The following BTD variants were observed in gnomAD, a reference collection of about 807,000 sequenced individuals.
BTD encodes biotinidase, also known as biocytinase.
A neutral mutation model predicts 17.7 loss-of-function variants in BTD; 13 were observed. That is an observed-to-expected ratio of 0.74 (90% CI 0.48 to 1.17). The LOEUF (loss-of-function observed/expected upper bound fraction) is 1.17, where lower values mean the gene tolerates loss of function less well. Ranked by LOEUF, BTD falls within the 50% of genes most tolerant of loss-of-function variation. The pLI is 0.00. For missense variants in BTD, 674 were observed against 650.4 expected, an observed-to-expected ratio of 1.04 and a Z score of -0.39; for synonymous variants, 240 against 245.2, an observed-to-expected ratio of 0.98 and a Z score of 0.20.
At chr3:15,713,813 T>C (rs1166053100), downstream of BTD, among the ~76,000 whole-genome samples, 1 of 152,254 alleles carries the variant, frequency 6.6e-6, no homozygotes, top group Non-Finnish European at 1.5e-5. Flanking sequence ...TTATAGCTTT[T>C]ATACTTAAAG....
intron 3 of BTD, chr3:15,676,882 C>T (rs1046500658): frequency 3.9e-6 from 4 of 1,016,296 alleles, no homozygotes; most frequent in Admixed American, 4.4e-5. Context: ...ACTAATGAAA[C>T]CTATTCCAAT....
In BTD at chr3:15,602,168, A is replaced by G. The variant is rs1328108595; in HGVS notation, c.-17+274A>G. 8 of 1,407,610 alleles carry G rather than the reference A, an allele frequency of 5.7e-6. No homozygotes were observed. In the Admixed American group the frequency reaches 1.5e-4, roughly 26 times the overall value. 87.2% of individuals were successfully genotyped at this position (1,407,610 alleles called of 1,614,324 possible). Reference sequence around the variant, plus strand: ...AATTATTGTAGCGCACGTTACTTAAATCCAGAAGCAGATGTGTACCCCAGC... The same window carrying G: ...AATTATTGTAGCGCACGTTACTTAAGTCCAGAAGCAGATGTGTACCCCAGC... On this transcript the variant is annotated intron_variant, in intron 1 of 3. Transcript: ENST00000643237.
At chr3:15,687,259 A>G (rs1321406383) in intron 3 of BTD, among the ~76,000 whole-genome samples, 1 of 152,070 alleles carries the variant, frequency 6.6e-6, no homozygotes, top group East Asian at 1.9e-4. Context: ...TCGACATTGT[A>G]TATGAGACAC....
At chr3:15,621,518 T>C (rs2064950431) in intron 1 of BTD, among the ~76,000 whole-genome samples, 1 of 152,366 alleles carries the variant, frequency 6.6e-6, no homozygotes, top group South Asian at 2.1e-4. Flanking sequence ...ATTTCTCTAA[T>C]ACATATAGGC....
At chr3:15,675,276 C>G (rs1394045191) in intron 3 of BTD, among the ~76,000 whole-genome samples, 2 of 151,796 alleles carry the variant, frequency 1.3e-5, no homozygotes, top group Non-Finnish European at 2.9e-5. Context: ...GTCTCAAAAA[C>G]AAACAACAAC....
chr3:15,713,820 A>C (rs1046643311), downstream of BTD, among the ~76,000 whole-genome samples: 2 of 152,242 alleles, frequency 1.3e-5, no homozygotes, highest in Non-Finnish European at 2.9e-5. Context: ...TTTTATACTT[A>C]AAGCAATTGT....
chr3:15,721,254 G>A, intron 4 of BTD: 1 of 754,722 alleles, frequency 1.3e-6, no homozygotes, highest in Middle Eastern at 4.0e-4. Flanking sequence ...GATAAGTACA[G>A]AGATAAGGCT....
chr3:15,608,638 C>T (rs566188641), intron 1 of BTD, among the ~76,000 whole-genome samples: 10 of 152,100 alleles, frequency 6.6e-5, no homozygotes, highest in African/African-American at 2.2e-4. Context: ...TGGTGATGTG[C>T]GCCTGTAATC....
chr3:15,661,265 C>CAAA (rs56165902), intron 3 of BTD, among the ~76,000 whole-genome samples: 7 of 93,758 alleles, frequency 7.5e-5, no homozygotes, highest in African/African-American at 1.5e-4. Flanking sequence ...GACTCTGTCT[C>CAAA]AAAAAAAAAA....
chr3:15,617,387 A>T (rs1343145557), intron 1 of BTD, among the ~76,000 whole-genome samples: 5 of 152,206 alleles, frequency 3.3e-5, no homozygotes, highest in African/African-American at 9.7e-5. Context: ...GTTATCTTTT[A>T]AGAGTTTTAT....
intron 1 of BTD, among the ~76,000 whole-genome samples, chr3:15,623,543 AC>A (rs1160218527): frequency 6.6e-6 from 1 of 152,080 alleles, no homozygotes; most frequent in Non-Finnish European, 1.5e-5. Flanking sequence ...TGATTTTGTC[AC>A]ATGATTTTGT....
chr3:15,643,479 C>T (rs541792213), intron 3 of BTD, among the ~76,000 whole-genome samples: 13 of 151,764 alleles, frequency 8.6e-5, no homozygotes, highest in East Asian at 3.9e-4. Flanking sequence ...CCAGCCTGGG[C>T]GACAGAGCCA....
chr3:15,707,851 A>C (rs937087721), intron 3 of BTD: 2 of 1,526,778 alleles, frequency 1.3e-6, no homozygotes, highest in Admixed American at 3.8e-5. Flanking sequence ...CAAATTTGCA[A>C]CAAAAACATC....
intron 3 of BTD, chr3:15,707,912 T>C (rs765728658): frequency 1.2e-6 from 2 of 1,611,354 alleles, no homozygotes; most frequent in Non-Finnish European, 1.7e-6. Flanking sequence ...CTCTCACTCC[T>C]ATGGTACTTA....
At chr3:15,659,622 A>G (rs1384567972) in intron 3 of BTD, among the ~76,000 whole-genome samples, 1 of 152,174 alleles carries the variant, frequency 6.6e-6, no homozygotes, top group Non-Finnish European at 1.5e-5. Flanking sequence ...CAGAGTTAAT[A>G]TTTCAATTTT....
At chr3:15,689,834 C>T (rs139478457) in intron 3 of BTD, 156 of 575,244 alleles carry the variant, frequency 2.7e-4, no homozygotes, top group Non-Finnish European at 3.6e-4. Context: ...TTATGAATGA[C>T]GGAGGCTTTG....
chr3:15,694,715 G>C, intron 3 of BTD: 1 of 1,599,846 alleles, frequency 6.3e-7, no homozygotes. Context: ...CAGCCATCAA[G>C]TCGGCTATGA....
At chr3:15,641,529 A>G (rs2065508655) in intron 2 of BTD, among the ~76,000 whole-genome samples, 2 of 152,224 alleles carry the variant, frequency 1.3e-5, no homozygotes, top group Admixed American at 1.3e-4. Flanking sequence ...GGCCCAATGT[A>G]TTCAAGGCCC....
At chr3:15,694,635 A>G (rs922853961) in intron 3 of BTD, 2 of 879,336 alleles carry the variant, frequency 2.3e-6, no homozygotes, top group African/African-American at 3.4e-5. Context: ...TAACTATTAC[A>G]TGGACCAAAA....
Sources: gnomAD v4.1 joint callset for allele counts (sites outside exome capture counted in the v4.1 genomes callset) on GRCh38, gnomAD v4.1.1 for gene constraint, MANE v1.5 for transcripts, NCBI Gene and HGNC (gene_info 2026-07-23, HGNC 2026-07-21) for gene names.